ANKS1B: variants seen among roughly 807,000 people sequenced by gnomAD.
ANKS1B encodes the protein ankyrin repeat and sterile alpha motif domain containing 1B, also known as ankyrin repeat and sterile alpha motif domain-containing protein 1B.
Under a neutral mutation model 148.3 loss-of-function variants are expected in ANKS1B, and 36 were observed. That is an observed-to-expected ratio of 0.24 (90% CI 0.19 to 0.32). The LOEUF is 0.32. Among genes scored for constraint, ANKS1B ranks in the 10% least tolerant of loss-of-function variants. The pLI is 1.00. For synonymous variants in ANKS1B, 542 were observed against 560.8 expected (o/e 0.97, Z 0.47); for missense variants, 1,157 against 1,542.6 (o/e 0.75, Z 4.19).
intron 12 of ANKS1B, among the ~76,000 whole-genome samples, chr12:99,381,628 T>G (rs1196240210): frequency 6.6e-6 from 1 of 152,172 alleles, no homozygotes; most frequent in East Asian, 1.9e-4. Context: ...GAAAAGGCAG[T>G]TGTGGTGACC....
intron 15 of ANKS1B, among the ~76,000 whole-genome samples, chr12:99,109,434 C>A (rs545556704): frequency 2.6e-5 from 4 of 152,092 alleles, no homozygotes; most frequent in Non-Finnish European, 5.9e-5. Flanking sequence ...TGGAGACAGA[C>A]ACACCCAAGA....
chr12:99,892,563 C>T (rs1009173524), intron 1 of ANKS1B, among the ~76,000 whole-genome samples: 1 of 152,132 alleles, frequency 6.6e-6, no homozygotes, highest in African/African-American at 2.4e-5. Context: ...ATTTACACAA[C>T]AAAAATCTTC....
At chr12:99,721,862 T>G (rs1210321235) in intron 8 of ANKS1B, among the ~76,000 whole-genome samples, 5 of 152,222 alleles carry the variant, frequency 3.3e-5, no homozygotes, top group African/African-American at 7.2e-5. Flanking sequence ...GGAAAAGTTC[T>G]TGAAGGAAAT....
chr12:99,819,405 G>A (rs1387135321), intron 2 of ANKS1B, among the ~76,000 whole-genome samples: 1 of 151,704 alleles, frequency 6.6e-6, no homozygotes, highest in Non-Finnish European at 1.5e-5. Context: ...AATTTTTAGA[G>A]GAGGTATGCC....
intron 12 of ANKS1B, among the ~76,000 whole-genome samples, chr12:99,310,575 T>A (rs377287929): frequency 1.3e-5 from 2 of 152,132 alleles, no homozygotes; most frequent in African/African-American, 4.8e-5. Context: ...AACTGAAACG[T>A]TGGCTGTTTC....
chr12:98,832,332 G>A (rs2099325147), intron 17 of ANKS1B, among the ~76,000 whole-genome samples, 196 bp from the exon 18 acceptor site: 1 of 152,140 alleles, frequency 6.6e-6, no homozygotes, highest in Admixed American at 6.5e-5. Flanking sequence ...CTAAGTATCA[G>A]GGGCACAAAG....
chr12:99,037,413 G>A (rs1021138284), intron 17 of ANKS1B, among the ~76,000 whole-genome samples: 1 of 152,014 alleles, frequency 6.6e-6, no homozygotes, highest in East Asian at 1.9e-4. Flanking sequence ...CTACTCGGGA[G>A]GCTGAGGCTT....
At chr12:99,347,517 T>G (rs1566936058) in intron 12 of ANKS1B, among the ~76,000 whole-genome samples, 1 of 152,140 alleles carries the variant, frequency 6.6e-6, no homozygotes, top group Non-Finnish European at 1.5e-5. Flanking sequence ...TGCCCCAACA[T>G]ACACACAGAG....
At chr12:99,373,955 T>C (rs2093271703) in intron 12 of ANKS1B, among the ~76,000 whole-genome samples, 2 of 152,154 alleles carry the variant, frequency 1.3e-5, no homozygotes, top group Admixed American at 1.3e-4. Flanking sequence ...CTTCTTTCAT[T>C]GAGAAAGTCA....
At chr12:99,905,101 C>A (rs2093731674) in intron 1 of ANKS1B, among the ~76,000 whole-genome samples, 1 of 152,202 alleles carries the variant, frequency 6.6e-6, no homozygotes, top group Non-Finnish European at 1.5e-5. Context: ...TAGGTAATGG[C>A]CTATCTCTCC....
chr12:99,087,308 CA>C (rs1483488879), intron 15 of ANKS1B, among the ~76,000 whole-genome samples: 1 of 152,166 alleles, frequency 6.6e-6, no homozygotes, highest in Non-Finnish European at 1.5e-5. Flanking sequence ...AATGGCACAA[CA>C]GCTAGGGATT....
intron 15 of ANKS1B, among the ~76,000 whole-genome samples, chr12:99,120,717 GA>G (rs757929875): frequency 5.2e-4 from 79 of 152,298 alleles, no homozygotes; most frequent in Admixed American, 1.0e-3. Flanking sequence ...AAAAAATAGT[GA>G]TGCCATTTAC....
At chr12:98,736,855 T>C (rs1290886301) in intron 9 of ANKS1B, among the ~76,000 whole-genome samples, 3 of 152,204 alleles carry the variant, frequency 2.0e-5, no homozygotes, top group Admixed American at 6.5e-5. Context: ...TTCACCCACC[T>C]ATCTATCCTG....
At chr12:99,523,547 T>C (rs2096896170) in intron 9 of ANKS1B, among the ~76,000 whole-genome samples, 1 of 140,516 alleles carries the variant, frequency 7.1e-6, no homozygotes, top group East Asian at 2.0e-4. Context: ...ATACAAGGCA[T>C]CTTCTTTTTT....
intron 4 of ANKS1B, among the ~76,000 whole-genome samples, chr12:99,788,901 TAAG>T (rs1409320198): frequency 6.6e-6 from 1 of 151,826 alleles, no homozygotes; most frequent in African/African-American, 2.4e-5. Flanking sequence ...GAAGAAAGAG[TAAG>T]AAGGACTTTG....
At chr12:99,000,147 A>T (rs1462369650) in intron 17 of ANKS1B, among the ~76,000 whole-genome samples, 1 of 152,122 alleles carries the variant, frequency 6.6e-6, no homozygotes, top group Non-Finnish European at 1.5e-5. Flanking sequence ...GAAAAAAATA[A>T]TGTACATGAA....
chr12:99,939,030 T>C (rs1331050991), intron 1 of ANKS1B, among the ~76,000 whole-genome samples: 1 of 152,200 alleles, frequency 6.6e-6, no homozygotes, highest in Non-Finnish European at 1.5e-5. Context: ...AATAGCTTAT[T>C]TGGGGGCCTG....
chr12:98,787,841 A>C (rs565632379), intron 22 of ANKS1B, among the ~76,000 whole-genome samples: 27 of 151,198 alleles, frequency 1.8e-4, no homozygotes, highest in African/African-American at 6.6e-4. Flanking sequence ...AATTGCTTGA[A>C]CCCAGGAGGT....
intron 9 of ANKS1B, among the ~76,000 whole-genome samples, chr12:99,572,107 C>G (rs1299737473): frequency 6.6e-6 from 1 of 151,966 alleles, no homozygotes; most frequent in East Asian, 1.9e-4. Flanking sequence ...AGCTCTATGA[C>G]CCTGGGCACT....
Sources: gnomAD v4.1 joint callset for allele counts (sites outside exome capture counted in the v4.1 genomes callset) on GRCh38, gnomAD v4.1.1 for gene constraint, MANE v1.5 for transcripts, NCBI Gene and HGNC (gene_info 2026-07-23, HGNC 2026-07-21) for gene names.